The following OSBPL8 variants were observed in gnomAD, a reference collection of about 807,000 sequenced individuals.
The protein encoded by OSBPL8 is oxysterol-binding protein-related protein 8.
Under a neutral mutation model 125.5 loss-of-function variants are expected in OSBPL8, and 59 were observed. That is an observed-to-expected ratio of 0.47 (90% confidence interval 0.38 to 0.58). OSBPL8 has a LOEUF of 0.58. Among genes scored for constraint, OSBPL8 ranks in the 20% least tolerant of loss-of-function variants. OSBPL8 has a pLI of 0.00. For missense variants in OSBPL8, 758 were observed against 1,047.8 expected (o/e 0.72, Z 3.82); for synonymous variants, 330 against 338.9 (o/e 0.97, Z 0.29).
chr12:76,511,855 G>A (rs1466221095), intron 1 of OSBPL8, among the ~76,000 whole-genome samples: 6 of 152,002 alleles, frequency 3.9e-5, no homozygotes, highest in African/African-American at 1.2e-4. Flanking sequence ...TATAGTTTTC[G>A]GTTTTACATT....
At chr12:76,537,892 G>A (rs993455148) in intron 1 of OSBPL8, 1 of 152,214 alleles carries the variant, frequency 6.6e-6, no homozygotes, top group Non-Finnish European at 1.5e-5. Flanking sequence ...CTGGGCAACA[G>A]AGCAAGACTC....
chr12:76,376,766 A>G lies in OSBPL8; in HGVS notation c.1730-1396T>C, dbSNP rs923559486. Among the ~76,000 whole-genome samples the G allele has an allele frequency of 2.6e-5, 4 of 152,222 alleles. No homozygotes were observed. In the South Asian group the frequency reaches 6.2e-4, roughly 24 times the overall value. ...TTTGTACATGCTGGGTTGGCCTTCG[A>G]TAAGATTCAGCCCTCCGAGATTTCT... is the stretch of plus-strand genomic sequence containing the variant. On this transcript the variant is annotated intron_variant, in intron 16 of 23. Coordinates refer to ENST00000261183, the MANE Select transcript of OSBPL8 (RefSeq NM_020841.5).
At chr12:76,470,732 A>G (rs1158525801) in intron 2 of OSBPL8, among the ~76,000 whole-genome samples, 1 of 152,236 alleles carries the variant, frequency 6.6e-6, no homozygotes, top group African/African-American at 2.4e-5. Context: ...ACTGCTAATA[A>G]TAACATGGAA....
chr12:76,542,862 A>G (rs1950684295), intron 1 of OSBPL8, among the ~76,000 whole-genome samples: 1 of 152,168 alleles, frequency 6.6e-6, no homozygotes. Context: ...TATCTTTCTC[A>G]TATTTTTTAA....
intron 6 of OSBPL8, among the ~76,000 whole-genome samples, chr12:76,401,702 A>T (rs1255708844): frequency 6.6e-6 from 1 of 152,056 alleles, no homozygotes; most frequent in Non-Finnish European, 1.5e-5. Context: ...TCTGTTACCA[A>T]TTTTTTCAAA....
intron 6 of OSBPL8, among the ~76,000 whole-genome samples, chr12:76,401,477 C>A (rs914129092): frequency 6.6e-6 from 1 of 152,312 alleles, no homozygotes; most frequent in South Asian, 2.1e-4. Context: ...TTAATCCTCA[C>A]AACAACCTTG....
intron 21 of OSBPL8, among the ~76,000 whole-genome samples, chr12:76,366,076 G>A (rs1222882583): frequency 2.0e-5 from 3 of 152,100 alleles, no homozygotes; most frequent in Non-Finnish European, 2.9e-5. Context: ...TCTGGCTTTG[G>A]CATTAGGGTA....
intron 1 of OSBPL8, among the ~76,000 whole-genome samples, chr12:76,493,738 G>C (rs1040831614): frequency 1.3e-5 from 2 of 152,214 alleles, no homozygotes; most frequent in South Asian, 2.1e-4. Context: ...CCATGCCTGG[G>C]TGTTTCTCTC....
At chr12:76,524,534 T>C (rs1950112717) in intron 1 of OSBPL8, among the ~76,000 whole-genome samples, 1 of 152,190 alleles carries the variant, frequency 6.6e-6, no homozygotes, top group South Asian at 2.1e-4. Context: ...AATTGGAAAG[T>C]GTTGCTTTTG....
chr12:76,488,128 C>A (rs1021029796), intron 1 of OSBPL8, among the ~76,000 whole-genome samples: 1 of 151,896 alleles, frequency 6.6e-6, no homozygotes, highest in Non-Finnish European at 1.5e-5. Context: ...TAAACAATTC[C>A]AACACAGTAA....
intron 2 of OSBPL8, among the ~76,000 whole-genome samples, chr12:76,486,356 G>T (rs576276016): frequency 6.6e-6 from 1 of 152,260 alleles, no homozygotes; most frequent in South Asian, 2.1e-4. Context: ...AGACATAAAA[G>T]TTGGGCTCTA....
chr12:76,450,699 T>A, intron 4 of OSBPL8, 152 bp downstream of exon 4: 1 of 694,484 alleles, frequency 1.4e-6, no homozygotes, highest in South Asian at 2.1e-5. Flanking sequence ...AAGAGTATTA[T>A]AGATGACCTA....
chr12:76,396,503 A>G (rs1400796779), intron 8 of OSBPL8, among the ~76,000 whole-genome samples: 1 of 152,146 alleles, frequency 6.6e-6, no homozygotes, highest in Non-Finnish European at 1.5e-5. Context: ...TCACATCTGT[A>G]ATCCCAGCAC....
intron 1 of OSBPL8, among the ~76,000 whole-genome samples, chr12:76,513,586 G>T (rs1565959151): frequency 6.6e-6 from 1 of 151,978 alleles, no homozygotes; most frequent in African/African-American, 2.4e-5. Flanking sequence ...CTAAGAACTT[G>T]CTTGATAAAT....
chr12:76,504,269 C>T (rs1880197639), intron 1 of OSBPL8, among the ~76,000 whole-genome samples: 1 of 151,996 alleles, frequency 6.6e-6, no homozygotes, highest in African/African-American at 2.4e-5. Flanking sequence ...ACTGTTGGTA[C>T]TGTTTTTCTA....
In OSBPL8 at chr12:76,487,517, C is replaced by T. The variant is rs753469138; in HGVS notation, c.35G>A (p.Arg12Gln). The change falls in exon 2 of 24, where the codon CGA (arginine) becomes CAA (glutamine). Residue 12 changes from arginine to glutamine, a missense_variant. By Grantham distance (43) the Arg-to-Gln change is conservative. Coordinates refer to ENST00000261183, the MANE Select transcript of OSBPL8 (RefSeq NM_020841.5). ...CATATATGAACTACTCACCGAAGTT[C>T]GATCAGGTTCTCCATCTGCCAAACC... ...EGGLADGEPD[R>Q]TSLLGDSKDV... The T allele has an allele frequency of 4.3e-5, 69 of 1,603,958 alleles. No individual in the cohort carries two copies. Among genetic ancestry groups the T allele is most frequent in the Non-Finnish European group, 5.1e-5 (60 of 1,175,796 alleles).
intron 1 of OSBPL8, among the ~76,000 whole-genome samples, chr12:76,525,519 A>G (rs2137292454): frequency 7.0e-6 from 1 of 143,324 alleles, no homozygotes; most frequent in South Asian, 2.2e-4. Flanking sequence ...CATAAATGGT[A>G]ACACTGTAGA....
At chr12:76,559,213 C>T (rs997568928) in intron 1 of OSBPL8, among the ~76,000 whole-genome samples, 184 bp downstream of exon 1, 1 of 152,222 alleles carries the variant, frequency 6.6e-6, no homozygotes, top group Non-Finnish European at 1.5e-5. Flanking sequence ...CCCCTAAACA[C>T]TCCACCCTGC....
intron 2 of OSBPL8, among the ~76,000 whole-genome samples, chr12:76,460,140 A>C (rs1874540920): frequency 6.6e-6 from 1 of 152,254 alleles, no homozygotes; most frequent in Non-Finnish European, 1.5e-5. Flanking sequence ...TAGAAAATGA[A>C]GGTGGTAAGA....
Sources: gnomAD v4.1 joint callset for allele counts (sites outside exome capture counted in the v4.1 genomes callset) on GRCh38, gnomAD v4.1.1 for gene constraint, MANE v1.5 for transcripts, NCBI Gene and HGNC (gene_info 2026-07-23, HGNC 2026-07-21) for gene names.